STAP1: variants seen among roughly 807,000 people sequenced by gnomAD.
STAP1 encodes signal-transducing adaptor protein 1.
Under a neutral mutation model 37.8 loss-of-function variants are expected in STAP1, and 30 were observed. The ratio of observed to expected loss-of-function variants is 0.79; its 90% CI spans 0.59 to 1.08. The LOEUF (loss-of-function observed/expected upper bound fraction) is 1.08. Among genes scored for constraint, STAP1 ranks in the 50% least tolerant of loss-of-function variants. STAP1 has a pLI of 0.00. For synonymous variants in STAP1, 130 were observed against 116.0 expected (o/e 1.12, Z -0.78); for missense variants, 357 against 349.4 (o/e 1.02, Z -0.17).
chr4:67,606,187 C>T (rs989430684), intron 8 of STAP1, 109 bp from the exon 9 acceptor site: 10 of 793,842 alleles, frequency 1.3e-5, no homozygotes, highest in East Asian at 2.7e-5. Context: ...ACTAAACACA[C>T]CAGCAATGTT....
At chr4:67,560,148 T>C (rs1032834560) in intron 1 of STAP1, among the ~76,000 whole-genome samples, 5 of 152,212 alleles carry the variant, frequency 3.3e-5, no homozygotes, top group Admixed American at 3.3e-4. Context: ...ATAATAACTG[T>C]TTATGATAGC....
intron 4 of STAP1, among the ~76,000 whole-genome samples, chr4:67,577,866 T>C (rs1727761512): frequency 6.6e-6 from 1 of 151,902 alleles, no homozygotes; most frequent in Non-Finnish European, 1.5e-5. Flanking sequence ...CCAGGCTGGT[T>C]TGGAACTCCT....
At chr4:67,594,485 G>A (rs143725325) in intron 8 of STAP1, among the ~76,000 whole-genome samples, 185 of 151,528 alleles carry the variant, frequency 1.2e-3, no homozygotes, top group African/African-American at 4.1e-3. Flanking sequence ...GAATGTAAGA[G>A]GGCTTAAATT....
At chr4:67,578,196 A>T (rs1400228848) in intron 4 of STAP1, among the ~76,000 whole-genome samples, 4 of 152,194 alleles carry the variant, frequency 2.6e-5, no homozygotes, top group African/African-American at 9.7e-5. Context: ...CCATTATTTT[A>T]GATAAAGCCA....
intron 1 of STAP1, 116 bp downstream of exon 1, chr4:67,559,045 T>C (rs1727276835): frequency 1.8e-6 from 2 of 1,094,504 alleles, no homozygotes; most frequent in South Asian, 2.4e-5. Context: ...AATCATCTTC[T>C]CTTCTTTGAG....
At chr4:67,578,037 G>A (rs1727765313) in intron 4 of STAP1, among the ~76,000 whole-genome samples, 1 of 152,162 alleles carries the variant, frequency 6.6e-6, no homozygotes, top group African/African-American at 2.4e-5. Context: ...GTAACAGGGA[G>A]AGACCATAAA....
intron 8 of STAP1, 64 bp downstream of exon 8, chr4:67,593,420 A>C: frequency 8.3e-7 from 1 of 1,199,902 alleles, no homozygotes; most frequent in Non-Finnish European, 1.2e-6. Flanking sequence ...AATCCCCAAA[A>C]CTCTGCATAT....
intron 7 of STAP1, among the ~76,000 whole-genome samples, chr4:67,591,491 T>A (rs1228588986): frequency 2.6e-5 from 4 of 152,364 alleles, no homozygotes; most frequent in Admixed American, 1.3e-4. Context: ...ATGCCTTTTA[T>A]ACAGGTGAGA....
At chr4:67,563,295 T>C (rs1481251358) in intron 1 of STAP1, among the ~76,000 whole-genome samples, 3 of 152,228 alleles carry the variant, frequency 2.0e-5, no homozygotes, top group African/African-American at 7.2e-5. Flanking sequence ...TATATAATAA[T>C]GAATGCAACC....
At chr4:67,603,297 TG>T (rs1195285297) in intron 8 of STAP1, among the ~76,000 whole-genome samples, 1 of 152,018 alleles carries the variant, frequency 6.6e-6, no homozygotes, top group Non-Finnish European at 1.5e-5. Context: ...TGACCCAAGG[TG>T]GGTCCAGAAA....
intron 5 of STAP1, among the ~76,000 whole-genome samples, chr4:67,582,123 G>T (rs894133854): frequency 6.6e-6 from 1 of 151,796 alleles, no homozygotes; most frequent in Non-Finnish European, 1.5e-5. Flanking sequence ...ACTGAAACCC[G>T]CCAACCATCA....
chr4:67,596,700 C>T (rs1728233597), intron 8 of STAP1, among the ~76,000 whole-genome samples: 1 of 152,086 alleles, frequency 6.6e-6, no homozygotes, highest in African/African-American at 2.4e-5. Flanking sequence ...GCATTTTGCC[C>T]CATCCTAGAG....
Position 67,562,068 on chromosome 4 carries a change from CAAAAAAAAAA to C in STAP1, c.120+3153_120+3162del, listed in dbSNP as rs71219057. On this transcript the variant is annotated intron_variant, in intron 1 of 8. Coordinates refer to ENST00000265404, the MANE Select transcript of STAP1 (RefSeq NM_012108.4). Reference sequence around the variant, plus strand: ...GCCTGGCAATAGAGCGAGACTCTGTCAAAAAAAAAAAAAAAAAAAAAAAGAAAGAAAGAGA... The same window carrying C: ...GCCTGGCAATAGAGCGAGACTCTGTCAAAAAAAAAAAAAGAAAGAAAGAGA... Among the ~76,000 whole-genome samples the C allele has an allele frequency of 2.1e-3, 162 of 77,264 alleles. 2 individuals are homozygous for C. Among genetic ancestry groups the C allele is most frequent in the Middle Eastern group, 9.1e-3 (1 of 110 alleles). The allele number at this position is 77,264 out of a possible 152,430, so 50.7% of individuals were successfully genotyped here. A position where few individuals can be genotyped will look rare whatever the true frequency, so the allele number is the denominator to read the frequency against.
chr4:67,562,791 T>C (rs1727380505), intron 1 of STAP1, among the ~76,000 whole-genome samples: 1 of 151,660 alleles, frequency 6.6e-6, no homozygotes, highest in Non-Finnish European at 1.5e-5. Context: ...AAAAAAAGAA[T>C]ATTAATTCAT....
At chr4:67,592,246 A>G (rs1291733095) in intron 7 of STAP1, among the ~76,000 whole-genome samples, 2 of 152,048 alleles carry the variant, frequency 1.3e-5, no homozygotes, top group Non-Finnish European at 2.9e-5. Context: ...CTCCTACTTC[A>G]GCCTCCCGAG....
Position 67,583,653 on chromosome 4 carries a change from C to T in STAP1, c.610C>T (p.Pro204Ser). 1 of 1,613,804 alleles carries T rather than the reference C, an allele frequency of 6.2e-7. No homozygotes were observed. Among genetic ancestry groups the T allele is most frequent in the Non-Finnish European group, 8.5e-7 (1 of 1,179,860 alleles). ...NPSLGNMILRPGSDSRNYSIT... is the reference protein window; with the variant it reads ...NPSLGNMILRSGSDSRNYSIT... The stretch of plus-strand genomic sequence containing the variant: ...TTCTTTGGGAAATATGATCCTGAGG[C>T]CTGGTAGTGACAGTAGAAACTACTC... Residue 204 changes from proline (P) to serine (S), a missense_variant, in exon 6 of 9, where the codon CCT becomes TCT. Physicochemically the swap from Pro to Ser is moderately conservative, Grantham distance 74 (BLOSUM62 -1). Coordinates refer to ENST00000265404, the MANE Select transcript of STAP1 (RefSeq NM_012108.4).
chr4:67,606,244 G>A (rs1161825771), intron 8 of STAP1, 52 bp from the exon 9 acceptor site: 27 of 1,494,014 alleles, frequency 1.8e-5, no homozygotes, highest in South Asian at 6.1e-5. Flanking sequence ...AAGAACCACC[G>A]TTTTCTACAA....
intron 2 of STAP1, among the ~76,000 whole-genome samples, chr4:67,572,995 G>T (rs1278894188): frequency 2.0e-5 from 3 of 152,172 alleles, no homozygotes; most frequent in African/African-American, 7.2e-5. Flanking sequence ...ACCAATTTTT[G>T]TTAAGAGTAT....
Position 67,588,175 on chromosome 4 carries a change from C to T in STAP1, c.660-2709C>T, listed in dbSNP as rs184595168. On this transcript the variant is annotated intron_variant, in intron 6 of 8. Transcript: ENST00000265404. Reference sequence around the variant, plus strand: ...ATTTCTTTGGAAAAGCAGAACAAAACAGAATATGAAAGGAAAGCAAAATGT... The same window carrying T: ...ATTTCTTTGGAAAAGCAGAACAAAATAGAATATGAAAGGAAAGCAAAATGT... 1.6e-3 allele frequency among the ~76,000 whole-genome samples: 243 copies of T among 147,580 alleles called. 3 individuals are homozygous for T. Among genetic ancestry groups the T allele is most frequent in the African/African-American group, 3.3e-3 (131 of 39,838 alleles).
Sources: allele counts gnomAD v4.1 joint callset (sites outside exome capture counted in the v4.1 genomes callset), GRCh38; gene constraint gnomAD v4.1.1; transcripts MANE v1.5; gene names NCBI Gene and HGNC (gene_info 2026-07-23, HGNC 2026-07-21).